METTL15: variants seen among roughly 807,000 people sequenced by gnomAD.
METTL15 encodes the protein methyltransferase 15, mitochondrial 12S rRNA N4-cytidine, also known as 12S rRNA N(4)-cytidine methyltransferase METTL15.
In METTL15, 34 loss-of-function variants were observed where a neutral mutation model predicts 38.3. The observed-to-expected ratio is 0.89, with a 90% CI of 0.68 to 1.18. METTL15 has a LOEUF of 1.18. METTL15 is among the 50% of genes most tolerant of loss of function. The probability of loss-of-function intolerance (pLI) is 0.00; values close to 1 mark genes in which losing one functional copy is unlikely to be tolerated. For missense variants in METTL15, 438 were observed against 498.4 expected (o/e 0.88, Z 1.15); for synonymous variants, 162 against 170.9 (o/e 0.95, Z 0.41).
chr11:28,403,709 GTTTATC>G (rs1413107190), intron 5 of METTL15, among the ~76,000 whole-genome samples: 2 of 152,040 alleles, frequency 1.3e-5, no homozygotes, highest in African/African-American at 4.8e-5. Flanking sequence ...TCATAGAAAT[GTTTATC>G]TTTAAGGACT....
chr11:28,415,048 C>G (rs577677991), intron 5 of METTL15, among the ~76,000 whole-genome samples: 1 of 152,304 alleles, frequency 6.6e-6, no homozygotes, highest in East Asian at 1.9e-4. Context: ...TATTGTGGAT[C>G]ATGTCATTGG....
At chr11:28,505,667 A>G (rs930041393) in intron 6 of METTL15, among the ~76,000 whole-genome samples, 1 of 152,254 alleles carries the variant, frequency 6.6e-6, no homozygotes, top group African/African-American at 2.4e-5. Context: ...TGAGGGTAGC[A>G]GAAATGTCTT....
intron 3 of METTL15, among the ~76,000 whole-genome samples, chr11:28,141,550 G>A (rs577110778): frequency 4.7e-4 from 71 of 151,992 alleles, no homozygotes; most frequent in Admixed American, 2.4e-3. Context: ...TTATTCTGGC[G>A]TGGTGGCATA....
At chr11:28,351,284 G>A (rs1449098013) in intron 3 of METTL15, among the ~76,000 whole-genome samples, 5 of 151,908 alleles carry the variant, frequency 3.3e-5, no homozygotes, top group South Asian at 4.2e-4. Context: ...GCTAATTTTC[G>A]TGTTTTTAGT....
chr11:28,392,700 A>G (rs1850524114), intron 5 of METTL15, among the ~76,000 whole-genome samples: 1 of 152,148 alleles, frequency 6.6e-6, no homozygotes, highest in African/African-American at 2.4e-5. Flanking sequence ...ACAGGAAACA[A>G]CAGAGTGAAA....
intron 6 of METTL15, among the ~76,000 whole-genome samples, chr11:28,487,439 A>C (rs1446510498): frequency 1.3e-5 from 2 of 152,142 alleles, no homozygotes; most frequent in Non-Finnish European, 2.9e-5. Context: ...AACAGGTTAC[A>C]AGTTAGCATA....
At chr11:28,293,468 A>G (rs867111376) in intron 5 of METTL15, among the ~76,000 whole-genome samples, 36 of 152,156 alleles carry the variant, frequency 2.4e-4, no homozygotes, top group African/African-American at 8.2e-4. Context: ...GCCTTGTAGT[A>G]TAGTTTGAAG....
chr11:28,313,153 A>G (rs1162298806), intron 6 of METTL15, among the ~76,000 whole-genome samples: 1 of 152,114 alleles, frequency 6.6e-6, no homozygotes, highest in Non-Finnish European at 1.5e-5. Context: ...AAATGACATG[A>G]CTATTCTAAG....
At chr11:28,272,603 G>A (rs899926553) in intron 4 of METTL15, among the ~76,000 whole-genome samples, 1 of 152,122 alleles carries the variant, frequency 6.6e-6, no homozygotes, top group Non-Finnish European at 1.5e-5. Flanking sequence ...AGCATCAGGA[G>A]AAATGCCTAA....
intron 6 of METTL15, among the ~76,000 whole-genome samples, chr11:28,459,371 T>C (rs1851196607): frequency 6.6e-6 from 1 of 152,156 alleles, no homozygotes; most frequent in South Asian, 2.1e-4. Flanking sequence ...TTAAATATTA[T>C]ACAAAATCCC....
At chr11:28,382,847 AAG>A (rs972229583) in intron 5 of METTL15, among the ~76,000 whole-genome samples, 14 of 146,774 alleles carry the variant, frequency 9.5e-5, no homozygotes, top group African/African-American at 3.5e-4. Context: ...AAAAAAAAAA[AAG>A]AAAGTTCAAT....
At chr11:28,433,358 T>C (rs1394348926) in intron 6 of METTL15, among the ~76,000 whole-genome samples, 1 of 152,140 alleles carries the variant, frequency 6.6e-6, no homozygotes, top group Non-Finnish European at 1.5e-5. Flanking sequence ...AGAGGAAGAA[T>C]AGGGTAGTGT....
Position 28,416,405 on chromosome 11 carries a change from G to A in METTL15, c.*359-7894G>A, listed in dbSNP as rs140733624. On this transcript the variant is annotated intron_variant and NMD_transcript_variant, in intron 5 of 7. Coordinates refer to the METTL15 transcript ENST00000532947. ...GCAAGCTCAGGGCCATTTGGGTAAA[G>A]AATATGGGTCCATGTTTCCTGGGGC... is the stretch of plus-strand genomic sequence containing the variant. 3.1e-3 allele frequency among the ~76,000 whole-genome samples: 473 copies of A among 152,326 alleles called. 1 individual carries two copies. Among genetic ancestry groups the A allele is most frequent in the Non-Finnish European group, 4.7e-3 (322 of 68,032 alleles).
At chr11:28,466,542 A>T (rs972650172) in intron 6 of METTL15, among the ~76,000 whole-genome samples, 1 of 152,290 alleles carries the variant, frequency 6.6e-6, no homozygotes, top group East Asian at 1.9e-4. Flanking sequence ...CAGTTCTCAC[A>T]GTTAAGAAAG....
rs1378165113 is a variant in METTL15 at position 28,505,196 on chromosome 11, TTTAACATAGAGATTCGGG to T, written c.*425-21280_*425-21263del. ...TGTGTATGTGTGTATGTGTGTTTTT[TTTAACATAGAGATTCGGG>T]TATATTTTTCTTGAATGAAGATCTA... is the stretch of plus-strand genomic sequence containing the variant. On this transcript the variant is annotated intron_variant and NMD_transcript_variant, in intron 6 of 7. Coordinates refer to the METTL15 transcript ENST00000532947. Among the ~76,000 whole-genome samples, 624 of 152,298 alleles carry T rather than the reference TTTAACATAGAGATTCGGG, an allele frequency of 4.1e-3. 8 individuals carry two copies. Among genetic ancestry groups the T allele is most frequent in the African/African-American group, 0.015 (608 of 41,566 alleles).
At chr11:28,367,719 C>A (rs570252613) in intron 5 of METTL15, among the ~76,000 whole-genome samples, 2 of 152,124 alleles carry the variant, frequency 1.3e-5, no homozygotes, top group South Asian at 4.2e-4. Flanking sequence ...CTACAGTAAC[C>A]AAAATAGCAT....
chr11:28,521,412 C>T (rs191634323), intron 6 of METTL15, among the ~76,000 whole-genome samples: 1 of 152,282 alleles, frequency 6.6e-6, no homozygotes, highest in East Asian at 1.9e-4. Flanking sequence ...AAGGATTTCT[C>T]CTTGATGGGA....
chr11:28,175,121 C>T (rs1272669758), intron 3 of METTL15, among the ~76,000 whole-genome samples: 1 of 151,660 alleles, frequency 6.6e-6, no homozygotes, highest in African/African-American at 2.4e-5. Flanking sequence ...CAACAGGCCC[C>T]GATGTGTGAT....
intron 3 of METTL15, among the ~76,000 whole-genome samples, chr11:28,177,129 C>A (rs1478867236): frequency 6.6e-6 from 1 of 151,716 alleles, no homozygotes; most frequent in Admixed American, 6.6e-5. Context: ...TTGGTAAGTC[C>A]TTTTATAAAT....
Sources: gnomAD v4.1 joint callset for allele counts (sites outside exome capture counted in the v4.1 genomes callset) on GRCh38, gnomAD v4.1.1 for gene constraint, MANE v1.5 for transcripts, NCBI Gene and HGNC (gene_info 2026-07-23, HGNC 2026-07-21) for gene names.